Variants in ZBTB20 observed in about 807,000 individuals in gnomAD.
The protein encoded by ZBTB20 is zinc finger and BTB domain containing 20.
Under a neutral mutation model 56.9 loss-of-function variants are expected in ZBTB20, and 9 were observed. The ratio of observed to expected loss-of-function variants is 0.16; its 90% CI spans 0.10 to 0.28. The LOEUF (loss-of-function observed/expected upper bound fraction) is 0.28. Among genes scored for constraint, ZBTB20 ranks in the 10% least tolerant of loss-of-function variants. The probability of loss-of-function intolerance (pLI) is 1.00; values close to 1 mark genes in which losing one functional copy is unlikely to be tolerated. For missense variants in ZBTB20, 655 were observed against 1,003.0 expected, an observed-to-expected ratio of 0.65 and a Z score of 4.69; for synonymous variants, 417 against 420.7, an observed-to-expected ratio of 0.99 and a Z score of 0.11.
At chr3:115,058,784 C>A (rs1347158244) in intron 2 of ZBTB20, among the ~76,000 whole-genome samples, 2 of 152,146 alleles carry the variant, frequency 1.3e-5, no homozygotes, top group Non-Finnish European at 2.9e-5. Flanking sequence ...TCCCCACCTC[C>A]TTTTTAGGAC....
At chr3:114,760,400 G>T (rs72954594) in intron 5 of ZBTB20, among the ~76,000 whole-genome samples, 2,299 of 152,200 alleles carry the variant, frequency 0.015, 65 homozygotes, top group African/African-American at 0.052. Context: ...ACATAAACAT[G>T]TAGGATGGGC....
chr3:114,769,646 G>T (rs1383693820), intron 5 of ZBTB20, among the ~76,000 whole-genome samples: 1 of 148,878 alleles, frequency 6.7e-6, no homozygotes, highest in Non-Finnish European at 1.5e-5. Flanking sequence ...AGCATTTGCA[G>T]TGACCTGGAT....
chr3:114,341,357 G>A (rs1326154002), intron 11 of ZBTB20, among the ~76,000 whole-genome samples: 2 of 152,080 alleles, frequency 1.3e-5, no homozygotes, highest in South Asian at 2.1e-4. Flanking sequence ...ATGCCTGGAA[G>A]TCAGCTGGTC....
chr3:114,576,426 C>T lies in ZBTB20; in HGVS notation c.-294-76035G>A, dbSNP rs558579358. Among the ~76,000 whole-genome samples, 12 of 139,422 alleles carry T rather than the reference C, an allele frequency of 8.6e-5. No homozygotes were observed. The South Asian group carries it at 2.6e-3, about 30-fold the overall frequency. 91.5% of individuals were successfully genotyped at this position (139,422 alleles called of 152,430 possible). ...CTGAGGCAGGAGAACGGCGTGAACC[C>T]GGGAGGCGGAGCTTGCAGTGAGTCG... On this transcript the variant is annotated intron_variant, in intron 6 of 11. Coordinates refer to ENST00000675478, the MANE Select transcript of ZBTB20 (RefSeq NM_001348800.3).
chr3:114,678,630 AAG>A (rs1161276637), intron 6 of ZBTB20, among the ~76,000 whole-genome samples: 1 of 152,200 alleles, frequency 6.6e-6, no homozygotes, highest in Non-Finnish European at 1.5e-5. Context: ...TAATTTCAAA[AAG>A]AGAGACTTTC....
intron 1 of ZBTB20, among the ~76,000 whole-genome samples, chr3:115,127,373 T>C (rs2084363172): frequency 6.6e-6 from 1 of 152,108 alleles, no homozygotes; most frequent in Non-Finnish European, 1.5e-5. Context: ...GCAGATCACT[T>C]GAGGTTAAGA....
chr3:114,865,059 G>A (rs775763302), intron 4 of ZBTB20, among the ~76,000 whole-genome samples: 6 of 151,988 alleles, frequency 3.9e-5, no homozygotes, highest in East Asian at 1.9e-4. Context: ...CTTGAAAAAC[G>A]AATCAGAAAT....
intron 7 of ZBTB20, among the ~76,000 whole-genome samples, chr3:114,454,175 G>GGA (rs71146322): frequency 0.09 from 10,449 of 116,462 alleles, 491 homozygotes; most frequent in Middle Eastern, 0.12. Context: ...AAAAGAGAAG[G>GGA]GAGAGAGAGA....
chr3:115,039,887 C>T (rs2081073437), intron 2 of ZBTB20, among the ~76,000 whole-genome samples: 1 of 151,940 alleles, frequency 6.6e-6, no homozygotes, highest in Non-Finnish European at 1.5e-5. Context: ...AGCATGAAAA[C>T]ACATAGTTGG....
At chr3:114,622,111 T>TA (rs749604771) in intron 6 of ZBTB20, among the ~76,000 whole-genome samples, 1 of 152,176 alleles carries the variant, frequency 6.6e-6, no homozygotes, top group Non-Finnish European at 1.5e-5. Flanking sequence ...TTCAAAGTGT[T>TA]AGAGATCTAG....
chr3:114,346,201 T>C (rs1008308875), intron 11 of ZBTB20, among the ~76,000 whole-genome samples: 59 of 152,048 alleles, frequency 3.9e-4, no homozygotes, highest in Non-Finnish European at 5.3e-4. Flanking sequence ...ATCTAAGGAG[T>C]ATAAAGGAGT....
At chr3:114,483,906 G>C (rs2041829492) in intron 7 of ZBTB20, among the ~76,000 whole-genome samples, 1 of 151,588 alleles carries the variant, frequency 6.6e-6, no homozygotes, top group Non-Finnish European at 1.5e-5. Context: ...AAGGTCCTTT[G>C]AACTAAGGTT....
chr3:114,433,971 C>T (rs764729132), intron 7 of ZBTB20, among the ~76,000 whole-genome samples: 1 of 152,138 alleles, frequency 6.6e-6, no homozygotes, highest in Non-Finnish European at 1.5e-5. Flanking sequence ...GTCCACAGCT[C>T]CTCTCACACT....
intron 2 of ZBTB20, among the ~76,000 whole-genome samples, chr3:114,976,653 G>T (rs111547841): frequency 6.6e-6 from 1 of 151,390 alleles, no homozygotes; most frequent in Non-Finnish European, 1.5e-5. Context: ...CTGAAGGACC[G>T]TTTGAATTGT....
At chr3:114,513,661 T>C (rs1384167433) in intron 6 of ZBTB20, among the ~76,000 whole-genome samples, 2 of 152,098 alleles carry the variant, frequency 1.3e-5, no homozygotes, top group Admixed American at 6.6e-5. Context: ...AACAAATTGC[T>C]AGGGAGAGGT....
chr3:114,725,348 T>C (rs774466237), intron 5 of ZBTB20, among the ~76,000 whole-genome samples: 31 of 152,252 alleles, frequency 2.0e-4, no homozygotes, highest in Non-Finnish European at 3.5e-4. Flanking sequence ...CATGTAAGTA[T>C]ACAGACAAGG....
intron 6 of ZBTB20, among the ~76,000 whole-genome samples, chr3:114,662,313 A>G (rs1052327738): frequency 1.3e-5 from 2 of 150,228 alleles, no homozygotes; most frequent in Non-Finnish European, 3.0e-5. Flanking sequence ...ATTGTTGGAC[A>G]TTTGGGTTGG....
At chr3:115,064,369 T>C (rs2082125065) in intron 2 of ZBTB20, among the ~76,000 whole-genome samples, 3 of 151,948 alleles carry the variant, frequency 2.0e-5, no homozygotes. Context: ...AATAAAAATG[T>C]TTTTTCTACC....
At chr3:114,835,391 T>A (rs951274417) in intron 4 of ZBTB20, among the ~76,000 whole-genome samples, 1 of 152,198 alleles carries the variant, frequency 6.6e-6, no homozygotes, top group Non-Finnish European at 1.5e-5. Flanking sequence ...GTTGTTTTTT[T>A]AATATTCCTT....
Sources: allele counts gnomAD v4.1 joint callset (sites outside exome capture counted in the v4.1 genomes callset), GRCh38; gene constraint gnomAD v4.1.1; transcripts MANE v1.5; gene names NCBI Gene and HGNC (gene_info 2026-07-23, HGNC 2026-07-21).